The following SLC30A6 variants were observed in gnomAD, a reference collection of about 807,000 sequenced individuals.
SLC30A6 encodes the protein zinc transporter 6.
A neutral mutation model predicts 63.0 loss-of-function variants in SLC30A6; 55 were observed. The ratio of observed to expected loss-of-function variants is 0.87; its 90% confidence interval spans 0.70 to 1.09. The LOEUF (loss-of-function observed/expected upper bound fraction) is 1.09. SLC30A6 is among the 50% of genes least tolerant of loss of function. SLC30A6 has a pLI of 0.00. For missense variants in SLC30A6, 587 were observed against 549.2 expected (o/e 1.07, Z -0.69); for synonymous variants, 224 against 186.1 (o/e 1.20, Z -1.66).
chr2:32,196,069 G>C (rs1683759975), intron 8 of SLC30A6, among the ~76,000 whole-genome samples: 1 of 152,090 alleles, frequency 6.6e-6, no homozygotes, highest in African/African-American at 2.4e-5. Flanking sequence ...AATCCCAGCA[G>C]TTTGGGAGAC....
At chr2:32,167,019 G>A (rs1458952382) in intron 1 of SLC30A6, among the ~76,000 whole-genome samples, 1 of 150,632 alleles carries the variant, frequency 6.6e-6, no homozygotes, top group Admixed American at 6.6e-5. Flanking sequence ...ATAAAGTCCT[G>A]TTTAGCATGG....
intron 13 of SLC30A6, among the ~76,000 whole-genome samples, chr2:32,213,617 G>C (rs1218980104): frequency 2.0e-5 from 3 of 151,928 alleles, no homozygotes; most frequent in Non-Finnish European, 4.4e-5. Flanking sequence ...TGTTTTAATG[G>C]AAATATTTGA....
At position 32,197,876 on chromosome 2, in the gene SLC30A6, C is replaced by T. The variant is rs770207504; in HGVS notation, c.665+50C>T. The T allele has an allele frequency of 4.4e-6, 7 of 1,603,590 alleles. No homozygotes were observed. In the South Asian group the frequency reaches 7.8e-5, roughly 18 times the overall value. On this transcript the variant is annotated intron_variant, in intron 10 of 13. Transcript: ENST00000282587. ...GTATGTTTTGATTTCTGGGGACTTA[C>T]TTTTAAGGGCATCAGCAGGATGGAT...
chr2:32,212,692 G>T (rs1685356641), intron 13 of SLC30A6, among the ~76,000 whole-genome samples: 1 of 145,620 alleles, frequency 6.9e-6, no homozygotes, highest in Admixed American at 7.1e-5. Context: ...CGCCTCCCAG[G>T]TTCAAGCGAT....
At chr2:32,201,815 C>T in intron 10 of SLC30A6, 1 of 1,401,634 alleles carries the variant, frequency 7.1e-7, no homozygotes, top group Non-Finnish European at 1.0e-6. Context: ...AGAAGGAAGT[C>T]AAGCCACCAT....
chr2:32,193,464 A>G (rs1280100232), intron 7 of SLC30A6, among the ~76,000 whole-genome samples: 2 of 152,156 alleles, frequency 1.3e-5, no homozygotes, highest in Admixed American at 1.3e-4. Context: ...TGATTTTCAT[A>G]TATATATGAA....
In SLC30A6 at chr2:32,222,520, A is replaced by G. The variant is rs1686194530; in HGVS notation, c.*1807A>G. On this transcript the variant is annotated 3_prime_UTR_variant, in exon 14 of 14. Coordinates refer to ENST00000282587, the MANE Select transcript of SLC30A6 (RefSeq NM_017964.5). ...CAAGAAGCCATCTCTGTCAAGCAGA[A>G]TTGTCATCTGTGGTAATAAGTGACC... The G allele has an allele frequency of 1.3e-5, 2 of 152,142 alleles. No homozygotes were observed. Among genetic ancestry groups the G allele is most frequent in the African/African-American group, 2.4e-5 (1 of 41,428 alleles). The allele number at this position is 152,142 out of a possible 1,614,324, so 9.4% of individuals were successfully genotyped here.
intron 13 of SLC30A6, chr2:32,214,583 G>A (rs911722262): frequency 1.5e-4 from 23 of 151,980 alleles, no homozygotes; most frequent in Admixed American, 1.4e-3. Context: ...TTTTAATTGC[G>A]TTAATGACAT....
intron 5 of SLC30A6, 62 bp downstream of exon 5, chr2:32,184,400 A>G: frequency 8.7e-6 from 8 of 917,122 alleles, no homozygotes; most frequent in Non-Finnish European, 1.3e-5. Context: ...TTTATAGTAG[A>G]CGATAAAGAG....
rs1387530419 is a variant in SLC30A6 at position 32,197,710 on chromosome 2, G to A, written c.549G>A (p.Leu183=). Reference sequence around the variant, plus strand: ...CTTTCTGTTTGTTTTTTCTTAGCTTGTGTGGAATTATTCCGGGACTTAGCA... The same window carrying A: ...CTTTCTGTTTGTTTTTTCTTAGCTTATGTGGAATTATTCCGGGACTTAGCA... ...QEHVADLSRS[L]CGIIPGLSSI... The change falls in exon 10 of 14, where the codon TTG becomes TTA. Residue 183 remains leucine, a synonymous_variant. Transcript: ENST00000282587. 8 of 1,613,972 alleles carry A rather than the reference G, an allele frequency of 5.0e-6. No homozygotes were observed. Among genetic ancestry groups the A allele is most frequent in the Admixed American group, 1.7e-5 (1 of 59,986 alleles).
At chr2:32,180,953 A>G (rs1220931803) in intron 4 of SLC30A6, among the ~76,000 whole-genome samples, 8 of 152,236 alleles carry the variant, frequency 5.3e-5, no homozygotes. Flanking sequence ...CTATCGCTAC[A>G]TAACGTTTCA....
chr2:32,199,482 A>G (rs1274081392), intron 10 of SLC30A6, among the ~76,000 whole-genome samples: 23 of 152,200 alleles, frequency 1.5e-4, no homozygotes, highest in Admixed American at 1.5e-3. Context: ...ATTTTGATAC[A>G]GGCATACAGT....
At chr2:32,188,675 CAAAAAAT>C (rs146537934) in intron 5 of SLC30A6, among the ~76,000 whole-genome samples, 3,211 of 152,052 alleles carry the variant, frequency 0.021, 49 homozygotes, top group African/African-American at 0.044. Context: ...TCCTCCGTCT[CAAAAAAT>C]AAAAAATAAA....
chr2:32,199,310 T>G (rs1453715537), intron 10 of SLC30A6, among the ~76,000 whole-genome samples: 1 of 152,182 alleles, frequency 6.6e-6, no homozygotes, highest in East Asian at 1.9e-4. Context: ...TGAACACGAG[T>G]GTACAAATAT....
Position 32,220,310 on chromosome 2 carries a change from C to G in SLC30A6, c.983C>G (p.Thr328Ser), listed in dbSNP as rs762633217. 1.2e-6 allele frequency: 2 copies of G among 1,614,076 alleles called. No homozygotes were observed. The highest frequency in any genetic ancestry group is 2.7e-5 in the African/African-American group (2 of 74,920). Residue 328 changes from threonine (T) to serine (S), a missense_variant, in exon 14 of 14, where the codon ACT (threonine) becomes AGT (serine). Transcript: ENST00000282587. ...CTGTACACTCTAGTGTCTACTCTAA[C>G]TGTTCAAATTTTCAAGGATGACTGG... is the stretch of plus-strand genomic sequence containing the variant. Reference protein sequence around the residue: ...NRLYTLVSTLTVQIFKDDWIR... With the variant: ...NRLYTLVSTLSVQIFKDDWIR...
chr2:32,195,724 T>C (rs1244014335), intron 8 of SLC30A6, among the ~76,000 whole-genome samples: 2 of 151,332 alleles, frequency 1.3e-5, no homozygotes, highest in Non-Finnish European at 2.9e-5. Context: ...TATTTTTTAA[T>C]AGAGACAAAG....
rs909488933 is a variant in SLC30A6 at position 32,223,799 on chromosome 2, G to A, written c.*3086G>A. 6.6e-6 allele frequency: 1 copy of A among 152,060 alleles called. No homozygotes were observed. Among genetic ancestry groups the A allele is most frequent in the African/African-American group, 2.4e-5 (1 of 41,430 alleles). The allele number at this position is 152,060 out of a possible 1,614,324, so 9.4% of individuals were successfully genotyped here. ...GGAAGGGTTATTTGGGGAAGTGTTGGAAAAAAGATTAGGGCAGGGTACCCT... is the reference window on the plus strand; with the variant it reads ...GGAAGGGTTATTTGGGGAAGTGTTGAAAAAAAGATTAGGGCAGGGTACCCT... On this transcript the variant is annotated 3_prime_UTR_variant, in exon 14 of 14. Transcript: ENST00000282587.
At chr2:32,187,823 T>C (rs1682971132) in intron 5 of SLC30A6, among the ~76,000 whole-genome samples, 1 of 152,200 alleles carries the variant, frequency 6.6e-6, no homozygotes, top group East Asian at 1.9e-4. Flanking sequence ...ATCACCCACA[T>C]TTAATCTATT....
intron 1 of SLC30A6, among the ~76,000 whole-genome samples, chr2:32,170,551 A>G (rs1681109051): frequency 6.6e-6 from 1 of 152,172 alleles, no homozygotes; most frequent in Admixed American, 6.6e-5. Context: ...AGATACTTTG[A>G]CTGAATGCCT....
Sources: allele counts gnomAD v4.1 joint callset (sites outside exome capture counted in the v4.1 genomes callset), GRCh38; gene constraint gnomAD v4.1.1; transcripts MANE v1.5; gene names NCBI Gene and HGNC (gene_info 2026-07-23, HGNC 2026-07-21).